FRAS1: variants seen among roughly 807,000 people sequenced by gnomAD.
FRAS1 encodes the protein Fraser extracellular matrix complex subunit 1.
In FRAS1, 290 loss-of-function variants were observed where a neutral mutation model predicts 435.2. The ratio of observed to expected loss-of-function variants is 0.67; its 90% confidence interval spans 0.61 to 0.73. The LOEUF (loss-of-function observed/expected upper bound fraction) is 0.73, where lower values mean the gene tolerates loss of function less well. Among genes scored for constraint, FRAS1 ranks in the 30% least tolerant of loss-of-function variants. The probability of loss-of-function intolerance (pLI) is 0.00; values close to 1 mark genes in which losing one functional copy is unlikely to be tolerated. For missense variants in FRAS1, 4,860 were observed against 5,001.5 expected, an observed-to-expected ratio of 0.97 and a Z score of 0.85; for synonymous variants, 1,800 against 1,851.0, an observed-to-expected ratio of 0.97 and a Z score of 0.71.
intron 60 of FRAS1, 107 bp from the exon 61 acceptor site, chr4:78,499,614 A>T: frequency 9.5e-7 from 1 of 1,056,084 alleles, no homozygotes; most frequent in Non-Finnish European, 1.4e-6. Flanking sequence ...TCATACTGTT[A>T]ACTAATGTGA....
intron 2 of FRAS1, among the ~76,000 whole-genome samples, chr4:78,213,485 C>A (rs1392126154): frequency 6.6e-6 from 1 of 152,236 alleles, no homozygotes; most frequent in Non-Finnish European, 1.5e-5. Flanking sequence ...CTCTATAAAA[C>A]ACAAGTGGAG....
chr4:78,402,822 A>G (rs775834413), intron 30 of FRAS1, among the ~76,000 whole-genome samples: 5 of 152,152 alleles, frequency 3.3e-5, no homozygotes, highest in African/African-American at 1.2e-4. Flanking sequence ...CTTTTATGAC[A>G]CTGACTCTTT....
intron 23 of FRAS1, among the ~76,000 whole-genome samples, chr4:78,371,641 G>C (rs1731514436): frequency 1.3e-5 from 2 of 152,278 alleles, no homozygotes; most frequent in South Asian, 4.1e-4. Flanking sequence ...ATAATATAGA[G>C]AAAAAGTAGC....
chr4:78,200,751 G>A (rs890079971), intron 2 of FRAS1, among the ~76,000 whole-genome samples: 1 of 151,386 alleles, frequency 6.6e-6, no homozygotes, highest in Non-Finnish European at 1.5e-5. Flanking sequence ...TAATTATTCA[G>A]TATATTTACC....
At chr4:78,171,448 A>G (rs1400399741) in intron 2 of FRAS1, among the ~76,000 whole-genome samples, 2 of 152,150 alleles carry the variant, frequency 1.3e-5, no homozygotes, top group Non-Finnish European at 2.9e-5. Flanking sequence ...TTTTACATAA[A>G]TATCATATAC....
chr4:78,199,512 G>A (rs1392851932), intron 2 of FRAS1, among the ~76,000 whole-genome samples: 1 of 152,222 alleles, frequency 6.6e-6, no homozygotes, highest in Admixed American at 6.5e-5. Context: ...TACAGAGCAT[G>A]AAAGCAATTT....
chr4:78,461,201 G>C (rs935280470), intron 47 of FRAS1, among the ~76,000 whole-genome samples: 1 of 152,168 alleles, frequency 6.6e-6, no homozygotes, highest in Non-Finnish European at 1.5e-5. Context: ...TCAGTGGTAA[G>C]TCTATGAATG....
intron 2 of FRAS1, among the ~76,000 whole-genome samples, chr4:78,092,258 T>C (rs7437861): frequency 0.28 from 42,592 of 152,082 alleles, 6,277 homozygotes; most frequent in African/African-American, 0.35. Flanking sequence ...TCCTGTAGGC[T>C]GGATTGTGGT....
At chr4:78,190,018 G>A (rs1722462272) in intron 2 of FRAS1, among the ~76,000 whole-genome samples, 1 of 152,100 alleles carries the variant, frequency 6.6e-6, no homozygotes, top group Non-Finnish European at 1.5e-5. Flanking sequence ...TGTTTCTACT[G>A]TTGGCCAGCT....
chr4:78,261,414 A>T (rs140035731), intron 6 of FRAS1, among the ~76,000 whole-genome samples: 316 of 152,282 alleles, frequency 2.1e-3, no homozygotes, highest in Non-Finnish European at 2.9e-3. Context: ...GATTCTGGAC[A>T]TGCTATCCCC....
intron 2 of FRAS1, among the ~76,000 whole-genome samples, chr4:78,209,729 T>C (rs1723423424): frequency 6.6e-6 from 1 of 152,210 alleles, no homozygotes. Context: ...GGCTAACTTA[T>C]CTATTATTGA....
intron 20 of FRAS1, among the ~76,000 whole-genome samples, chr4:78,359,429 T>C (rs1263262454): frequency 7.9e-5 from 12 of 152,348 alleles, no homozygotes; most frequent in Admixed American, 7.2e-4. Flanking sequence ...TTCAAGCCTC[T>C]GAAGACAAAA....
intron 15 of FRAS1, among the ~76,000 whole-genome samples, chr4:78,308,898 G>T (rs557655497): frequency 1.3e-5 from 2 of 152,344 alleles, no homozygotes; most frequent in East Asian, 3.9e-4. Context: ...GGCTCCCAAT[G>T]ATGCCCTTGT....
chr4:78,125,892 G>A (rs972907785), intron 2 of FRAS1, among the ~76,000 whole-genome samples: 3 of 152,196 alleles, frequency 2.0e-5, no homozygotes, highest in Non-Finnish European at 4.4e-5. Context: ...GCCATGCTGG[G>A]AGAACCACTG....
At chr4:78,380,902 G>A (rs1407015705) in intron 27 of FRAS1, among the ~76,000 whole-genome samples, 1 of 152,196 alleles carries the variant, frequency 6.6e-6, no homozygotes, top group Non-Finnish European at 1.5e-5. Flanking sequence ...GACCTTGGAA[G>A]ATCATATTAT....
In FRAS1 at chr4:78,282,928, T is replaced by C; in HGVS notation, c.1216T>C (p.Leu406=). ...CPPCPVGTLA[L]EVKGQCCPDC... ...ACCATGTCCAGTGGGCACACTGGCC[T>C]TAGAGGTGAAGGGACAGTGCTGTCC... Residue 406 remains leucine (L), a synonymous_variant, in exon 12 of 74, where the codon TTA becomes CTA. Coordinates refer to ENST00000512123, the MANE Select transcript of FRAS1 (RefSeq NM_025074.7). 1.2e-6 allele frequency: 2 copies of C among 1,608,844 alleles called. No homozygotes were observed. The highest frequency in any genetic ancestry group is 1.1e-5 in the South Asian group (1 of 89,686).
chr4:78,407,724 G>A lies in FRAS1; in HGVS notation c.4191G>A (p.Leu1397=), dbSNP rs1158780526. ...GCCCTGCAGATGAAGGGCAGCACCT[G>A]CCTGATGGGAGGACAGCTACCCCCA... The part of the protein sequence containing the change: ...ADSPADEGQH[L]PDGRTATPTS... Residue 1397 remains leucine, a synonymous_variant, in exon 31 of 74, where the codon CTG becomes CTA. Coordinates refer to ENST00000512123, the MANE Select transcript of FRAS1 (RefSeq NM_025074.7). 1.2e-6 allele frequency: 2 copies of A among 1,613,718 alleles called. No individual in the cohort carries two copies. The highest frequency in any genetic ancestry group is 1.7e-6 in the Non-Finnish European group (2 of 1,179,826).
chr4:78,205,662 C>T (rs993567710), intron 2 of FRAS1, among the ~76,000 whole-genome samples: 2 of 152,132 alleles, frequency 1.3e-5, no homozygotes, highest in African/African-American at 2.4e-5. Flanking sequence ...GAAAGCTGGC[C>T]CAGTGGCCTG....
At chr4:78,125,304 T>G (rs1252593973) in intron 2 of FRAS1, among the ~76,000 whole-genome samples, 1 of 152,218 alleles carries the variant, frequency 6.6e-6, no homozygotes, top group East Asian at 1.9e-4. Flanking sequence ...TGGTTTTGAG[T>G]GAGATTCTTA....
Sources: allele counts gnomAD v4.1 joint callset (sites outside exome capture counted in the v4.1 genomes callset), GRCh38; gene constraint gnomAD v4.1.1; transcripts MANE v1.5; gene names NCBI Gene and HGNC (gene_info 2026-07-23, HGNC 2026-07-21).